Variants in ZDHHC21 observed in about 807,000 individuals in gnomAD.
ZDHHC21 encodes the protein zDHHC palmitoyltransferase 21, also known as palmitoyltransferase ZDHHC21.
Under a neutral mutation model 34.6 loss-of-function variants are expected in ZDHHC21, and 15 were observed. That is an observed-to-expected ratio of 0.43 (90% CI 0.29 to 0.67). ZDHHC21 has a LOEUF of 0.67. Among genes scored for constraint, ZDHHC21 ranks in the 30% least tolerant of loss-of-function variants. The probability of loss-of-function intolerance (pLI) is 0.14; values close to 1 mark genes in which losing one functional copy is unlikely to be tolerated. For missense variants in ZDHHC21, 344 were observed against 327.7 expected (o/e 1.05, Z -0.38); for synonymous variants, 142 against 101.8 (o/e 1.40, Z -2.38).
At chr9:14,641,961 A>C (rs1829454774) in intron 7 of ZDHHC21, among the ~76,000 whole-genome samples, 1 of 152,222 alleles carries the variant, frequency 6.6e-6, no homozygotes, top group East Asian at 1.9e-4. Flanking sequence ...CACATATTGC[A>C]TTATAGCAGA....
chr9:14,634,240 C>T (rs189680521), intron 8 of ZDHHC21, among the ~76,000 whole-genome samples: 13 of 152,316 alleles, frequency 8.5e-5, no homozygotes, highest in South Asian at 2.1e-4. Context: ...ATATTGTCAA[C>T]GCCTACACAA....
intron 8 of ZDHHC21, 89 bp from the exon 9 acceptor site, chr9:14,619,771 C>A: frequency 1.2e-5 from 9 of 733,658 alleles, no homozygotes; most frequent in Non-Finnish European, 1.6e-5. Context: ...AATCTTATTC[C>A]AAAAATATTC....
chr9:14,681,807 G>A (rs1196049298), intron 2 of ZDHHC21, among the ~76,000 whole-genome samples: 1 of 151,196 alleles, frequency 6.6e-6, no homozygotes, highest in Admixed American at 6.6e-5. Context: ...CTAAAAATGG[G>A]CAGATCGAAG....
At position 14,612,933 on chromosome 9, in the gene ZDHHC21, TTG is replaced by T. The variant is rs1200591460; in HGVS notation, c.*6031_*6032del. On this transcript the variant is annotated 3_prime_UTR_variant, in exon 10 of 10. Transcript: ENST00000380916. ...AACCTTAACTCTTCATCTTAGTATT[TTG>T]TTTCAGTATTCACTAAAGTGCCCAA... 2 of 151,790 alleles carry T rather than the reference TTG, an allele frequency of 1.3e-5. No individual in the cohort carries two copies. The highest frequency in any genetic ancestry group is 3.9e-4 in the East Asian group (2 of 5,172). The allele number at this position is 151,790 out of a possible 1,614,324, so 9.4% of individuals were successfully genotyped here. A position where few individuals can be genotyped will look rare whatever the true frequency, so the allele number is the denominator to read the frequency against.
chr9:14,658,297 A>T (rs1832661436), intron 7 of ZDHHC21, among the ~76,000 whole-genome samples: 1 of 151,984 alleles, frequency 6.6e-6, no homozygotes, highest in Non-Finnish European at 1.5e-5. Context: ...ACTAGGGCCC[A>T]CTTTCTCAAT....
chr9:14,615,017 A>G lies in ZDHHC21; in HGVS notation c.*3949T>C, dbSNP rs540901870. 1 of 151,824 alleles carries G rather than the reference A, an allele frequency of 6.6e-6. No homozygotes were observed. The highest frequency in any genetic ancestry group is 2.1e-4 in the South Asian group (1 of 4,828). The allele number at this position is 151,824 out of a possible 1,614,324, so 9.4% of individuals were successfully genotyped here. On this transcript the variant is annotated 3_prime_UTR_variant, in exon 10 of 10. Coordinates refer to ENST00000380916, the MANE Select transcript of ZDHHC21 (RefSeq NM_178566.6). ...AGAGACTAGAGAAAAGTCCAGAGAGAGACTAGCAGCTCTATTAATTAGTAT... is the reference window on the plus strand; with the variant it reads ...AGAGACTAGAGAAAAGTCCAGAGAGGGACTAGCAGCTCTATTAATTAGTAT...
In ZDHHC21 at chr9:14,611,583, C is replaced by T. The variant is rs893311780; in HGVS notation, c.*7383G>A. On this transcript the variant is annotated 3_prime_UTR_variant, in exon 10 of 10. Transcript: ENST00000380916. ...ATCTTCTTATGCCACTTGTAACATA[C>T]CACTATTAAAAGCATTTTAGGGATA... is the stretch of plus-strand genomic sequence containing the variant. 3.3e-5 allele frequency: 5 copies of T among 151,958 alleles called. No individual in the cohort carries two copies. Among genetic ancestry groups the T allele is most frequent in the African/African-American group, 1.2e-4 (5 of 41,388 alleles). 9.4% of individuals were successfully genotyped at this position (151,958 alleles called of 1,614,324 possible).
rs138146386 is a variant in ZDHHC21, at chr9:14,644,872, G to C, written c.505-4860C>G. On this transcript the variant is annotated intron_variant, in intron 7 of 9. Coordinates refer to ENST00000380916, the MANE Select transcript of ZDHHC21 (RefSeq NM_178566.6). The stretch of plus-strand genomic sequence containing the variant: ...TATATTTACTTTGCTTTAGTCTGTA[G>C]AAATTGCTAAGCTGTTTCTTTATTT... Among the ~76,000 whole-genome samples, 371 of 151,526 alleles carry C rather than the reference G, an allele frequency of 2.4e-3. 7 individuals are homozygous for C. Among genetic ancestry groups the C allele is most frequent in the East Asian group, 3.5e-3 (18 of 5,140 alleles).
Position 14,692,990 on chromosome 9 carries a change from G to T in ZDHHC21, c.-225+239C>A, listed in dbSNP as rs180689227. On this transcript the variant is annotated intron_variant, in intron 1 of 9. Transcript: ENST00000380916. ...AGGGAGGAGCACTTAGCAAGGGGCT[G>T]TAGCTCTAGCAGAAGACGCTCTGAA... Among the ~76,000 whole-genome samples, 221 of 152,092 alleles carry T rather than the reference G, an allele frequency of 1.5e-3. 3 individuals carry two copies. In the East Asian group the frequency reaches 0.035, roughly 24 times the overall value.
At position 14,619,655 on chromosome 9, in the gene ZDHHC21, T is replaced by C. The variant is rs765695016; in HGVS notation, c.649A>G (p.Asn217Asp). ...TATACTTACATATCTTCACAACAGT[T>C]TGACATCTTTTCAATAGATGTTGTA... ...TDTTSIEKMS[N>D]CCEDISRPRK... The change falls in exon 9 of 10, where the codon AAC becomes GAC. Residue 217 changes from asparagine (N) to aspartate (D), a missense_variant. Asn to Asp is a conservative substitution (Grantham distance 23, BLOSUM62 1). Coordinates refer to ENST00000380916, the MANE Select transcript of ZDHHC21 (RefSeq NM_178566.6). 2 of 1,409,838 alleles carry C rather than the reference T, an allele frequency of 1.4e-6. No homozygotes were observed. Among genetic ancestry groups the C allele is most frequent in the Admixed American group, 2.1e-5 (1 of 48,616 alleles). The allele number at this position is 1,409,838 out of a possible 1,614,324, so 87.3% of individuals were successfully genotyped here.
At chr9:14,619,604 T>C (rs1824910345) in intron 9 of ZDHHC21, 35 bp downstream of exon 9, 1 of 1,356,754 alleles carries the variant, frequency 7.4e-7, no homozygotes, top group East Asian at 2.5e-5. Flanking sequence ...CTTTCCAATT[T>C]TAAATAATAC....
chr9:14,686,445 C>G (rs1056191885), intron 2 of ZDHHC21, among the ~76,000 whole-genome samples: 1 of 152,118 alleles, frequency 6.6e-6, no homozygotes, highest in Non-Finnish European at 1.5e-5. Flanking sequence ...ACCACAGCAA[C>G]AGCAGACTAT....
At chr9:14,648,712 T>C (rs574212760) in intron 7 of ZDHHC21, among the ~76,000 whole-genome samples, 8 of 152,210 alleles carry the variant, frequency 5.3e-5, no homozygotes, top group African/African-American at 9.6e-5. Context: ...AACTTTGTTT[T>C]AGAGCCTAGA....
intron 7 of ZDHHC21, among the ~76,000 whole-genome samples, chr9:14,649,150 GT>G (rs1176169300): frequency 6.6e-6 from 1 of 152,000 alleles, no homozygotes; most frequent in Non-Finnish European, 1.5e-5. Context: ...AATGTTTTCT[GT>G]GGGGGAAAGT....
intron 7 of ZDHHC21, among the ~76,000 whole-genome samples, chr9:14,642,409 A>C (rs528147088): frequency 6.6e-6 from 1 of 152,112 alleles, no homozygotes; most frequent in Admixed American, 6.5e-5. Flanking sequence ...ACAGGAACCC[A>C]TTTGCTATCC....
intron 8 of ZDHHC21, among the ~76,000 whole-genome samples, chr9:14,634,802 A>T (rs1827982923): frequency 6.6e-6 from 1 of 152,220 alleles, no homozygotes. Context: ...AGCAGGAAAT[A>T]TGGCACTCCA....
downstream of ZDHHC21, among the ~76,000 whole-genome samples, chr9:14,610,804 C>T (rs1482721736): frequency 4.6e-5 from 7 of 151,962 alleles, no homozygotes; most frequent in African/African-American, 1.7e-4. Context: ...TGACTGAATC[C>T]AGCCATCTGC....
At chr9:14,590,145 T>C in the ZDHHC21 span, 1 of 152,078 alleles carries the variant, frequency 6.6e-6, no homozygotes, top group South Asian at 2.1e-4. Flanking sequence ...AAATACAATA[T>C]CTAAAATGAA....
At position 14,652,803 on chromosome 9, in the gene ZDHHC21, TG is replaced by T. The variant is rs1831455575; in HGVS notation, c.504+5945del. Among the ~76,000 whole-genome samples the T allele has an allele frequency of 2.0e-5, 3 of 151,926 alleles. No homozygotes were observed. In the East Asian group the frequency reaches 5.8e-4, roughly 29 times the overall value. ...TGGTCAAAGTGCAACTCATTTTTTT[TG>T]TTGTTGTTGTTTAATGAATAAACAC... is the stretch of plus-strand genomic sequence containing the variant. On this transcript the variant is annotated intron_variant, in intron 7 of 9. Coordinates refer to ENST00000380916, the MANE Select transcript of ZDHHC21 (RefSeq NM_178566.6).
Sources: gnomAD v4.1 joint callset for allele counts (sites outside exome capture counted in the v4.1 genomes callset) on GRCh38, gnomAD v4.1.1 for gene constraint, MANE v1.5 for transcripts, NCBI Gene and HGNC (gene_info 2026-07-23, HGNC 2026-07-21) for gene names.